The following STON1 variants were observed in gnomAD, a reference collection of about 807,000 sequenced individuals.
The protein encoded by STON1 is stonin-1.
A neutral mutation model predicts 60.9 loss-of-function variants in STON1; 79 were observed. The observed-to-expected ratio is 1.30, with a 90% confidence interval of 1.08 to 1.56. The LOEUF (loss-of-function observed/expected upper bound fraction) is 1.56, where lower values mean the gene tolerates loss of function less well. Ranked by LOEUF, STON1 falls within the 40% of genes most tolerant of loss-of-function variation. STON1 has a pLI of 0.00. For synonymous variants in STON1, 363 were observed against 306.9 expected, an observed-to-expected ratio of 1.18 and a Z score of -1.91; for missense variants, 1,166 against 858.9, an observed-to-expected ratio of 1.36 and a Z score of -4.47.
Position 48,581,706 on chromosome 2 carries a change from G to A in STON1, c.1073G>A (p.Arg358Lys). ...KIEHVSYTEK[R>K]KYHSKTEVVH... is the part of the protein sequence containing the mutation. ...GAACATGTGTCTTACACAGAAAAAA[G>A]GAAATACCATTCTAAGACAGAAGTA... Residue 358 changes from arginine to lysine, a missense_variant, in exon 2 of 4, where the codon AGG becomes AAG. Arg to Lys is a conservative substitution (Grantham distance 26, BLOSUM62 2). Transcript: ENST00000404752. 1.2e-6 allele frequency: 2 copies of A among 1,610,908 alleles called. No individual in the cohort carries two copies. Among genetic ancestry groups the A allele is most frequent in the Non-Finnish European group, 8.5e-7 (1 of 1,179,128 alleles).
rs78862922 is a variant in STON1 at position 48,539,840 on chromosome 2, T to C, written c.-48+9624T>C. Among the ~76,000 whole-genome samples the C allele has an allele frequency of 2.8e-4, 42 of 152,254 alleles. No homozygotes were observed. The East Asian group carries it at 7.1e-3, about 26-fold the overall frequency. ...TATAGGCCACTCATTTTCTACTCTT[T>C]GCCCAAGCAGATGACAAGGTTTCTG... On this transcript the variant is annotated intron_variant, in intron 1 of 3. Coordinates refer to ENST00000404752, the MANE Select transcript of STON1 (RefSeq NM_006873.4).
chr2:48,579,284 T>G (rs560187002), intron 1 of STON1, among the ~76,000 whole-genome samples: 2 of 151,520 alleles, frequency 1.3e-5, no homozygotes, highest in African/African-American at 4.9e-5. Context: ...GGATTATAGA[T>G]GTGAGCCACT....
intron 1 of STON1, among the ~76,000 whole-genome samples, chr2:48,558,802 C>T (rs1425779897): frequency 6.6e-6 from 1 of 152,182 alleles, no homozygotes; most frequent in East Asian, 1.9e-4. Context: ...TCATTCCTAA[C>T]CTCCCAGTGC....
Position 48,581,712 on chromosome 2 carries a change from A to G in STON1, c.1079A>G (p.Tyr360Cys). 6.2e-7 allele frequency: 1 copy of G among 1,610,914 alleles called. No individual in the cohort carries two copies. The highest frequency in any genetic ancestry group is 8.5e-7 in the Non-Finnish European group (1 of 1,179,120). ...GTGTCTTACACAGAAAAAAGGAAAT[A>G]CCATTCTAAGACAGAAGTAGTTCAT... is the stretch of plus-strand genomic sequence containing the variant. ...EHVSYTEKRKYHSKTEVVHEP... is the reference protein window; with the variant it reads ...EHVSYTEKRKCHSKTEVVHEP... The change falls in exon 2 of 4, where the codon TAC becomes TGC. Residue 360 changes from tyrosine (Y) to cysteine (C), a missense_variant. Physicochemically the swap from Tyr to Cys is radical, Grantham distance 194 (BLOSUM62 -2). Coordinates refer to ENST00000404752, the MANE Select transcript of STON1 (RefSeq NM_006873.4).
chr2:48,574,354 C>T (rs961782045), intron 1 of STON1, among the ~76,000 whole-genome samples: 11 of 148,588 alleles, frequency 7.4e-5, no homozygotes, highest in Admixed American at 2.0e-4. Flanking sequence ...CCAACCTGAG[C>T]GACAGAGTGC....
chr2:48,532,193 C>A (rs1453012514), intron 1 of STON1, among the ~76,000 whole-genome samples: 3 of 151,848 alleles, frequency 2.0e-5, no homozygotes, highest in African/African-American at 4.8e-5. Flanking sequence ...ATTAAAAATA[C>A]AAAAGCTAGC....
chr2:48,573,539 A>T (rs1000317301), intron 1 of STON1, among the ~76,000 whole-genome samples: 1 of 152,054 alleles, frequency 6.6e-6, no homozygotes, highest in Non-Finnish European at 1.5e-5. Context: ...GGTGCCCAGA[A>T]TTTGGGTTAC....
chr2:48,591,330 T>A (rs1674498941), intron 2 of STON1, among the ~76,000 whole-genome samples: 1 of 150,948 alleles, frequency 6.6e-6, no homozygotes, highest in Middle Eastern at 3.2e-3. Flanking sequence ...TTAGTAATAT[T>A]TCTAATTGAA....
At chr2:48,564,569 C>CTTCTT (rs1558605682) in intron 1 of STON1, among the ~76,000 whole-genome samples, 4 of 36,474 alleles carry the variant, frequency 1.1e-4, no homozygotes, top group African/African-American at 2.2e-4. Context: ...TTCTTCTTCT[C>CTTCTT]CTTCTCCTTC....
rs70946811 is a variant in STON1, at chr2:48,570,843, GTTTTTTTTTTTTTTT to G, written c.-47-9730_-47-9716del. Among the ~76,000 whole-genome samples the G allele has an allele frequency of 6.5e-4, 50 of 77,118 alleles. No homozygotes were observed. In the South Asian group the frequency reaches 8.5e-3, roughly 13 times the overall value. The allele number at this position is 77,118 out of a possible 152,430, so 50.6% of individuals were successfully genotyped here. A position where few individuals can be genotyped will look rare whatever the true frequency, so the allele number is the denominator to read the frequency against. On this transcript the variant is annotated intron_variant, in intron 1 of 3. Coordinates refer to ENST00000404752, the MANE Select transcript of STON1 (RefSeq NM_006873.4). ...ATCTTGATGTCTCAACTGTCTCTGA[GTTTTTTTTTTTTTTT>G]TTTTTTTTTTTTTGTCTTTCCCCAG...
At chr2:48,590,250 G>A (rs894653618) in intron 2 of STON1, among the ~76,000 whole-genome samples, 10 of 152,324 alleles carry the variant, frequency 6.6e-5, no homozygotes, top group Middle Eastern at 3.4e-3. Context: ...CTTCCTGTAA[G>A]TGGTAGAGAT....
intron 1 of STON1, among the ~76,000 whole-genome samples, chr2:48,549,768 G>C (rs1672014875): frequency 7.3e-6 from 1 of 136,300 alleles, no homozygotes; most frequent in South Asian, 2.3e-4. Context: ...AGCCAAGATT[G>C]TGTCACTGCA....
At chr2:48,568,126 A>C (rs1211619638) in intron 1 of STON1, among the ~76,000 whole-genome samples, 2 of 152,294 alleles carry the variant, frequency 1.3e-5, no homozygotes, top group East Asian at 3.9e-4. Flanking sequence ...TTGACCCAAC[A>C]GGGACAGTTT....
At chr2:48,579,635 C>T (rs748726735) in intron 1 of STON1, among the ~76,000 whole-genome samples, 5 of 152,118 alleles carry the variant, frequency 3.3e-5, no homozygotes, top group Admixed American at 1.3e-4. Flanking sequence ...TGTAACCTAA[C>T]GTGATCTGCT....
intron 1 of STON1, among the ~76,000 whole-genome samples, chr2:48,550,606 C>G (rs1195548408): frequency 1.3e-5 from 2 of 149,304 alleles, no homozygotes; most frequent in South Asian, 2.1e-4. Flanking sequence ...TATATTTACT[C>G]TTTTTAATGC....
At chr2:48,567,345 C>T (rs937829681) in intron 1 of STON1, among the ~76,000 whole-genome samples, 3 of 152,200 alleles carry the variant, frequency 2.0e-5, no homozygotes, top group Non-Finnish European at 4.4e-5. Context: ...CTGATGATTC[C>T]TTTTTGTTCC....
intron 1 of STON1, among the ~76,000 whole-genome samples, chr2:48,558,957 A>T (rs1183204714): frequency 1.3e-5 from 2 of 152,186 alleles, no homozygotes. Flanking sequence ...GAAAGTTAGG[A>T]CCTTTTCGAA....
chr2:48,531,416 G>C (rs1367333712), intron 1 of STON1: 1 of 152,208 alleles, frequency 6.6e-6, no homozygotes, highest in Admixed American at 6.5e-5. Context: ...GACTCCCCTG[G>C]ACTCTGATTG....
intron 1 of STON1, among the ~76,000 whole-genome samples, chr2:48,564,480 T>TTCTTCTTCCTTCTTCTTCTTCTTCTTC (rs1558604783): frequency 3.1e-5 from 1 of 32,480 alleles, no homozygotes; most frequent in African/African-American, 1.2e-4. Flanking sequence ...CTTCTTCTTC[T>TTCTTCTTCCTTCTTCTTCTTCTTCTTC]TTCTTCTTCT....
Sources: allele counts gnomAD v4.1 joint callset (sites outside exome capture counted in the v4.1 genomes callset), GRCh38; gene constraint gnomAD v4.1.1; transcripts MANE v1.5; gene names NCBI Gene and HGNC (gene_info 2026-07-23, HGNC 2026-07-21).